Variants in FRAS1 observed in about 807,000 individuals in gnomAD.
The protein encoded by FRAS1 is extracellular matrix organizing protein FRAS1.
Under a neutral mutation model 435.2 loss-of-function variants are expected in FRAS1, and 290 were observed. That is an observed-to-expected ratio of 0.67 (90% CI 0.61 to 0.73). FRAS1 has a LOEUF of 0.73. Among genes scored for constraint, FRAS1 ranks in the 30% least tolerant of loss-of-function variants. FRAS1 has a pLI of 0.00. For missense variants in FRAS1, 4,860 were observed against 5,001.5 expected (o/e 0.97, Z 0.85); for synonymous variants, 1,800 against 1,851.0 (o/e 0.97, Z 0.71).
chr4:78,410,454 T>A (rs1178689134), intron 31 of FRAS1, among the ~76,000 whole-genome samples: 1 of 151,098 alleles, frequency 6.6e-6, no homozygotes, highest in African/African-American at 2.4e-5. Context: ...AATAATGATT[T>A]AAAAAAAACT....
At chr4:78,516,839 G>T (rs568436497) in intron 66 of FRAS1, among the ~76,000 whole-genome samples, 9 of 152,292 alleles carry the variant, frequency 5.9e-5, no homozygotes, top group East Asian at 5.8e-4. Context: ...CCTCCCATCT[G>T]GTTCCTCCCT....
At chr4:78,367,083 AC>A (rs1731300497) in intron 22 of FRAS1, among the ~76,000 whole-genome samples, 1 of 152,126 alleles carries the variant, frequency 6.6e-6, no homozygotes, top group African/African-American at 2.4e-5. Flanking sequence ...GGTATACATC[AC>A]GGTTCCACGG....
At chr4:78,471,083 G>T (rs1719693454) in intron 51 of FRAS1, among the ~76,000 whole-genome samples, 1 of 152,080 alleles carries the variant, frequency 6.6e-6, no homozygotes, top group Non-Finnish European at 1.5e-5. Context: ...CATTTTTGTA[G>T]GTAAGTGTGC....
At chr4:78,124,566 A>T (rs1254088628) in intron 2 of FRAS1, among the ~76,000 whole-genome samples, 1 of 152,108 alleles carries the variant, frequency 6.6e-6, no homozygotes, top group Non-Finnish European at 1.5e-5. Flanking sequence ...TCCTCTTTGT[A>T]CCTTTGGTAG....
chr4:78,270,182 A>G (rs1726588174), intron 9 of FRAS1, among the ~76,000 whole-genome samples: 1 of 152,216 alleles, frequency 6.6e-6, no homozygotes, highest in Non-Finnish European at 1.5e-5. Flanking sequence ...CTGCTTCTGT[A>G]AATAGAAAAG....
At chr4:78,228,175 A>G (rs1302598634) in intron 2 of FRAS1, among the ~76,000 whole-genome samples, 1 of 152,206 alleles carries the variant, frequency 6.6e-6, no homozygotes, top group Non-Finnish European at 1.5e-5. Flanking sequence ...TTGAATGTTT[A>G]CTTTTTTCCC....
At chr4:78,377,342 G>C (rs1009188715) in intron 26 of FRAS1, among the ~76,000 whole-genome samples, 1 of 152,142 alleles carries the variant, frequency 6.6e-6, no homozygotes, top group Non-Finnish European at 1.5e-5. Flanking sequence ...AAGTACTTGA[G>C]AGCCAGCTTA....
In FRAS1 at chr4:78,517,662, T is replaced by A. The variant is rs116203605; in HGVS notation, c.10389+1649T>A. Among the ~76,000 whole-genome samples the A allele has an allele frequency of 8.7e-3, 1,322 of 152,306 alleles. 23 individuals carry two copies. Among genetic ancestry groups the A allele is most frequent in the African/African-American group, 0.03 (1,265 of 41,568 alleles). Reference sequence around the variant, plus strand: ...AACCTCTCTGAACCTCTTCTGAAATTGTACTAATAATCTCAACATGAGAAG... The same window carrying A: ...AACCTCTCTGAACCTCTTCTGAAATAGTACTAATAATCTCAACATGAGAAG... On this transcript the variant is annotated intron_variant, in intron 66 of 73. Transcript: ENST00000512123.
At chr4:78,068,764 A>C in intron 2 of FRAS1, 1 of 349,712 alleles carries the variant, frequency 2.9e-6, no homozygotes, top group African/African-American at 2.1e-5. Flanking sequence ...ATATTTCAAA[A>C]TCTAGAGAGA....
At chr4:78,302,450 G>A (rs1433500184) in intron 14 of FRAS1, among the ~76,000 whole-genome samples, 1 of 152,040 alleles carries the variant, frequency 6.6e-6, no homozygotes, top group Non-Finnish European at 1.5e-5. Flanking sequence ...CACAATGGGT[G>A]AACTAGTTTA....
intron 20 of FRAS1, among the ~76,000 whole-genome samples, chr4:78,355,090 C>T (rs1730797532): frequency 6.6e-6 from 1 of 152,072 alleles, no homozygotes; most frequent in Admixed American, 6.6e-5. Flanking sequence ...GTTTAAATTT[C>T]TAGCATGTCT....
chr4:78,497,857 CA>C (rs1306721215), intron 60 of FRAS1, among the ~76,000 whole-genome samples: 3 of 152,152 alleles, frequency 2.0e-5, no homozygotes, highest in African/African-American at 7.2e-5. Context: ...ACTCCAGCCT[CA>C]AAGTTGAATT....
intron 30 of FRAS1, 58 bp from the exon 31 acceptor site, chr4:78,407,605 T>A: frequency 7.1e-7 from 1 of 1,414,836 alleles, no homozygotes. Flanking sequence ...GGAAAGGAGG[T>A]AAGGGCTCTG....
At chr4:78,233,357 T>G (rs996482965) in intron 2 of FRAS1, among the ~76,000 whole-genome samples, 2 of 152,208 alleles carry the variant, frequency 1.3e-5, no homozygotes, top group African/African-American at 4.8e-5. Context: ...CAACCTATAG[T>G]TTCATTTCTC....
Position 78,333,324 on chromosome 4 carries a change from A to G in FRAS1, c.2190A>G (p.Thr730=). The change falls in exon 19 of 74, where the codon ACA becomes ACG. Residue 730 remains threonine, a synonymous_variant. Coordinates refer to ENST00000512123, the MANE Select transcript of FRAS1 (RefSeq NM_025074.7). The part of the protein sequence containing the change: ...RCAGKSPHNC[T]DCGPSHVLLD... ...CAGGGAAAAGCCCACATAACTGCAC[A>G]GACTGTGGGCCTTCCCATGTGCTGT... The G allele has an allele frequency of 1.9e-6, 3 of 1,612,496 alleles. No individual in the cohort carries two copies. Among genetic ancestry groups the G allele is most frequent in the Non-Finnish European group, 2.5e-6 (3 of 1,179,304 alleles).
At chr4:78,361,434 A>G (rs1731069909) in intron 20 of FRAS1, among the ~76,000 whole-genome samples, 3 of 152,334 alleles carry the variant, frequency 2.0e-5, no homozygotes, top group African/African-American at 7.2e-5. Flanking sequence ...TGTAATTTGT[A>G]ACTCCCAAAG....
chr4:78,321,164 G>A (rs1018149893), intron 18 of FRAS1, among the ~76,000 whole-genome samples: 3 of 152,204 alleles, frequency 2.0e-5, no homozygotes, highest in African/African-American at 7.2e-5. Flanking sequence ...CCCACCATGA[G>A]CCAGGCACTG....
rs776275611 is a variant in FRAS1 at position 78,472,336 on chromosome 4, G to T, written c.7522+6G>T. The T allele has an allele frequency of 5.6e-6, 9 of 1,594,520 alleles. No homozygotes were observed. In the Admixed American group the frequency reaches 1.4e-4, roughly 25 times the overall value. Reference sequence around the variant, plus strand: ...TGCTGCCACTTTCACCCAGGGTGGGGACTCTCTGGGAACTTAGAAATGGGA... The same window carrying T: ...TGCTGCCACTTTCACCCAGGGTGGGTACTCTCTGGGAACTTAGAAATGGGA... On this transcript the variant is annotated splice_donor_region_variant and intron_variant, in intron 52 of 73. Coordinates refer to ENST00000512123, the MANE Select transcript of FRAS1 (RefSeq NM_025074.7).
At chr4:78,422,999 T>C (rs1370837918) in intron 34 of FRAS1, among the ~76,000 whole-genome samples, 1 of 152,112 alleles carries the variant, frequency 6.6e-6, no homozygotes, top group Non-Finnish European at 1.5e-5. Flanking sequence ...AGCCAGTGTG[T>C]GCCCTTCCAC....
Sources: gnomAD v4.1 joint callset for allele counts (sites outside exome capture counted in the v4.1 genomes callset) on GRCh38, gnomAD v4.1.1 for gene constraint, MANE v1.5 for transcripts, NCBI Gene and HGNC (gene_info 2026-07-23, HGNC 2026-07-21) for gene names.